Variants in SERPINB12 observed in about 807,000 individuals in gnomAD.
SERPINB12 encodes serpin family B member 12.
A neutral mutation model predicts 41.1 loss-of-function variants in SERPINB12; 57 were observed. The ratio of observed to expected loss-of-function variants is 1.39; its 90% CI spans 1.12 to 1.73. The LOEUF is 1.73. SERPINB12 is among the 40% of genes most tolerant of loss of function. The pLI, the probability that SERPINB12 is intolerant of heterozygous loss-of-function variation, is 0.00. For synonymous variants in SERPINB12, 180 were observed against 181.3 expected (o/e 0.99, Z 0.06); for missense variants, 536 against 501.9 (o/e 1.07, Z -0.65).
intron 6 of SERPINB12, among the ~76,000 whole-genome samples, chr18:63,564,814 C>T (rs1279721902): frequency 2.6e-5 from 4 of 152,108 alleles, no homozygotes; most frequent in African/African-American, 4.8e-5. Flanking sequence ...GGACAGCTGG[C>T]AGGGCGTGTT....
the SERPINB12 span, among the ~76,000 whole-genome samples, chr18:63,533,520 C>A: frequency 3.3e-5 from 5 of 152,136 alleles, no homozygotes; most frequent in African/African-American, 1.2e-4. Context: ...TTCATTTATC[C>A]AACCCTTTAA....
At chr18:63,566,469 C>A in intron 7 of SERPINB12, 138 bp from the exon 8 acceptor site, 1 of 745,682 alleles carries the variant, frequency 1.3e-6, no homozygotes, top group Non-Finnish European at 2.2e-6. Context: ...TAAATGAAAT[C>A]AGACTATTCT....
rs1173527096 is a variant in SERPINB12 at position 63,568,395 on chromosome 18, CA to C, written c.*1390del. On this transcript the variant is annotated 3_prime_UTR_variant, in exon 8 of 8. Transcript: ENST00000382768. Reference sequence around the variant, plus strand: ...AACCCTGTCTCAAAAAACAAACAAACAAAAAACCCAAAAAGCCAAAACAAAA... The same window carrying C: ...AACCCTGTCTCAAAAAACAAACAAACAAAAACCCAAAAAGCCAAAACAAAA... Among the ~76,000 whole-genome samples, 3 of 151,930 alleles carry C rather than the reference CA, an allele frequency of 2.0e-5. No homozygotes were observed. The highest frequency in any genetic ancestry group is 6.6e-5 in the Admixed American group (1 of 15,258).
In SERPINB12 at chr18:63,558,355, C is replaced by A; in HGVS notation, c.172C>A (p.Leu58Ile). Residue 58 changes from leucine to isoleucine, a missense_variant, in exon 3 of 8, where the codon CTA (leucine) becomes ATA (isoleucine). Transcript: ENST00000382768. Reference protein sequence around the residue: ...SDSAHQIDEVLHFNEFSQNES... With the variant: ...SDSAHQIDEVIHFNEFSQNES... ...ACCCCATCCCGTTATCATGCAGGTA[C>A]TACACTTCAACGAATTTTCCCAGAA... 1.2e-6 allele frequency: 2 copies of A among 1,613,372 alleles called. No homozygotes were observed. Among genetic ancestry groups the A allele is most frequent in the Non-Finnish European group, 1.7e-6 (2 of 1,179,732 alleles).
chr18:63,540,505 T>A (rs1250453341), upstream of SERPINB12, among the ~76,000 whole-genome samples: 1 of 152,188 alleles, frequency 6.6e-6, no homozygotes, highest in African/African-American at 2.4e-5. Context: ...AGCTTAAAAA[T>A]GCTCATGCAT....
Position 63,564,592 on chromosome 18 carries a change from T to C in SERPINB12, c.705+472T>C, listed in dbSNP as rs761582366. On this transcript the variant is annotated intron_variant, in intron 6 of 7. Coordinates refer to ENST00000382768, the MANE Select transcript of SERPINB12 (RefSeq NM_001307928.2). ...AGCACCAAATATCCCCATCTGCAGG[T>C]TGATGACCCCTCACCCACCACCTTG... 2.5e-4 allele frequency among the ~76,000 whole-genome samples: 38 copies of C among 152,218 alleles called. 1 individual carries two copies. The highest frequency in any genetic ancestry group is 6.5e-4 in the Admixed American group (10 of 15,280).
Position 63,568,009 on chromosome 18 carries a change from A to C in SERPINB12, c.*998A>C, listed in dbSNP as rs1440214798. ...CTCTCTCTGCCTTCTGGCCACGTGG[A>C]CTTTTGTGTCTTCCGAGAGGTCTCA... On this transcript the variant is annotated 3_prime_UTR_variant, in exon 8 of 8. Transcript: ENST00000382768. Among the ~76,000 whole-genome samples the C allele has an allele frequency of 6.6e-6, 1 of 152,094 alleles. No homozygotes were observed. The highest frequency in any genetic ancestry group is 6.5e-5 in the Admixed American group (1 of 15,284).
intron 1 of SERPINB12, among the ~76,000 whole-genome samples, chr18:63,553,687 AG>A (rs1303858216): frequency 6.6e-6 from 1 of 152,196 alleles, no homozygotes; most frequent in African/African-American, 2.4e-5. Context: ...TATACAACAA[AG>A]GTTTTAAAAA....
intron 1 of SERPINB12, among the ~76,000 whole-genome samples, chr18:63,553,024 TGG>T (rs1910573398): frequency 6.6e-6 from 1 of 152,178 alleles, no homozygotes; most frequent in African/African-American, 2.4e-5. Flanking sequence ...TCAACTCCCT[TGG>T]GAGGTGAGGC....
chr18:63,555,232 A>G (rs1371860251), intron 1 of SERPINB12, among the ~76,000 whole-genome samples: 1 of 152,186 alleles, frequency 6.6e-6, no homozygotes, highest in Non-Finnish European at 1.5e-5. Flanking sequence ...CAAATTCTGT[A>G]GTTTGCATGT....
intron 2 of SERPINB12, 24 bp downstream of exon 2, chr18:63,556,351 A>G (rs1233700051): frequency 2.5e-6 from 4 of 1,606,572 alleles, no homozygotes; most frequent in East Asian, 2.2e-5. Context: ...AGGGTGCTAC[A>G]CAGGGTCCTA....
chr18:63,542,012 G>A (rs569753393), upstream of SERPINB12, among the ~76,000 whole-genome samples: 1 of 152,132 alleles, frequency 6.6e-6, no homozygotes, highest in Non-Finnish European at 1.5e-5. Flanking sequence ...TGGGATAGGC[G>A]ATGAAAAATA....
At chr18:63,533,820 A>G in the SERPINB12 span, among the ~76,000 whole-genome samples, 12 of 152,204 alleles carry the variant, frequency 7.9e-5, no homozygotes, top group African/African-American at 2.7e-4. Flanking sequence ...GGAAATAAAC[A>G]TATTTGGAGA....
At position 63,556,056 on chromosome 18, in the gene SERPINB12, T is replaced by C. The variant is rs139193180; in HGVS notation, c.-18-86T>C. On this transcript the variant is annotated intron_variant, in intron 1 of 7. Transcript: ENST00000382768. Reference sequence around the variant, plus strand: ...CATACTGAATAATTGTGCATGATTGTATTTCAGGTATGTAAAATAAAATTG... The same window carrying C: ...CATACTGAATAATTGTGCATGATTGCATTTCAGGTATGTAAAATAAAATTG... 795 of 940,510 alleles carry C rather than the reference T, an allele frequency of 8.5e-4. 7 individuals are homozygous for C. In the African/African-American group the frequency reaches 0.012, roughly 14 times the overall value. 58.3% of individuals were successfully genotyped at this position (940,510 alleles called of 1,614,324 possible).
the SERPINB12 span, among the ~76,000 whole-genome samples, chr18:63,520,018 A>G: frequency 6.6e-6 from 1 of 152,226 alleles, no homozygotes; most frequent in Non-Finnish European, 1.5e-5. Context: ...CAGGTACCCC[A>G]TGTGAAACGC....
chr18:63,534,047 T>A, the SERPINB12 span, among the ~76,000 whole-genome samples: 1 of 152,192 alleles, frequency 6.6e-6, no homozygotes, highest in Non-Finnish European at 1.5e-5. Flanking sequence ...CAATGACACA[T>A]CCTACTGCTT....
chr18:63,527,908 G>A, the SERPINB12 span, among the ~76,000 whole-genome samples: 1 of 151,978 alleles, frequency 6.6e-6, no homozygotes, highest in Non-Finnish European at 1.5e-5. Flanking sequence ...TTGAATCATG[G>A]GGGAAGGTCT....
intron 1 of SERPINB12, among the ~76,000 whole-genome samples, chr18:63,547,766 T>C (rs1316028796): frequency 1.3e-5 from 2 of 152,098 alleles, no homozygotes; most frequent in Non-Finnish European, 2.9e-5. Context: ...AACTTTTTCT[T>C]ATATAGTAAA....
chr18:63,539,191 T>C (rs1330448805), upstream of SERPINB12, among the ~76,000 whole-genome samples: 1 of 152,128 alleles, frequency 6.6e-6, no homozygotes, highest in Non-Finnish European at 1.5e-5. Flanking sequence ...CCAGTAGCTA[T>C]CACTGGCAAC....
Sources: allele counts gnomAD v4.1 joint callset (sites outside exome capture counted in the v4.1 genomes callset), GRCh38; gene constraint gnomAD v4.1.1; transcripts MANE v1.5; gene names NCBI Gene and HGNC (gene_info 2026-07-23, HGNC 2026-07-21).